NPSR1: variants seen among roughly 807,000 people sequenced by gnomAD.
The protein encoded by NPSR1 is neuropeptide S receptor 1.
In NPSR1, 48 loss-of-function variants were observed where a neutral mutation model predicts 46.9. The observed-to-expected ratio is 1.02, with a 90% confidence interval of 0.81 to 1.30. The LOEUF is 1.30. NPSR1 is among the 50% of genes most tolerant of loss of function. NPSR1 has a pLI of 0.00. For synonymous variants in NPSR1, 176 were observed against 168.1 expected (o/e 1.05, Z -0.36); for missense variants, 450 against 449.5 (o/e 1.00, Z -0.01).
chr7:34,845,532 G>A (rs771020850), intron 7 of NPSR1: 84 of 454,138 alleles, frequency 1.8e-4, no homozygotes, highest in South Asian at 1.2e-3. Flanking sequence ...GTGGTGCCCC[G>A]GCTTACTTCC....
intron 2 of NPSR1, among the ~76,000 whole-genome samples, chr7:34,745,659 T>C (rs1401890317): frequency 6.6e-6 from 1 of 152,098 alleles, no homozygotes; most frequent in Non-Finnish European, 1.5e-5. Flanking sequence ...GCTGGAACTA[T>C]AGGTGTGCAC....
chr7:34,862,724 C>G, intron 8 of NPSR1, among the ~76,000 whole-genome samples: 1 of 151,752 alleles, frequency 6.6e-6, no homozygotes, highest in East Asian at 1.9e-4. Flanking sequence ...ATTTCTCTTT[C>G]CTAAGTATGC....
intron 2 of NPSR1, among the ~76,000 whole-genome samples, chr7:34,743,108 A>C (rs1195311082): frequency 1.3e-5 from 2 of 151,920 alleles, no homozygotes; most frequent in Non-Finnish European, 2.9e-5. Context: ...GTGTCTTTTT[A>C]CTCTGTTGAT....
chr7:34,799,616 C>T (rs2128747163), intron 3 of NPSR1, among the ~76,000 whole-genome samples: 1 of 149,766 alleles, frequency 6.7e-6, no homozygotes, highest in African/African-American at 2.5e-5. Flanking sequence ...AAAACCATGA[C>T]AAAATGTAAA....
intron 3 of NPSR1, among the ~76,000 whole-genome samples, chr7:34,799,599 C>A (rs375615492): frequency 3.3e-5 from 5 of 149,956 alleles, no homozygotes; most frequent in Non-Finnish European, 5.9e-5. Context: ...CCGGTACCAG[C>A]CACTGCAAAA....
intron 2 of NPSR1, among the ~76,000 whole-genome samples, chr7:34,705,694 T>C (rs1031793272): frequency 1.3e-5 from 2 of 152,174 alleles, no homozygotes; most frequent in East Asian, 1.9e-4. Context: ...ATTAATATTA[T>C]GTTTATCTAT....
At chr7:34,821,658 T>C (rs1554335856) in intron 4 of NPSR1, among the ~76,000 whole-genome samples, 1 of 152,180 alleles carries the variant, frequency 6.6e-6, no homozygotes, top group African/African-American at 2.4e-5. Context: ...TTTCACCATA[T>C]TCACTAGGTT....
chr7:34,752,137 T>C, intron 2 of NPSR1: 1 of 473,692 alleles, frequency 2.1e-6, no homozygotes, highest in Non-Finnish European at 3.9e-6. Flanking sequence ...TTTCCAGAGC[T>C]TATATACCTT....
chr7:34,797,903 CT>C (rs1440949356), intron 3 of NPSR1, among the ~76,000 whole-genome samples: 10 of 152,114 alleles, frequency 6.6e-5, no homozygotes, highest in African/African-American at 2.4e-4. Context: ...ACAAATCCCC[CT>C]GACCTAGAAT....
chr7:34,864,286 G>A (rs1316181113), intron 8 of NPSR1, among the ~76,000 whole-genome samples: 1 of 151,376 alleles, frequency 6.6e-6, no homozygotes, highest in Non-Finnish European at 1.5e-5. Context: ...ACGGGTTGAT[G>A]GGTGTAGCAA....
At chr7:34,723,498 C>A (rs1222558958) in intron 2 of NPSR1, 1 of 149,536 alleles carries the variant, frequency 6.7e-6, no homozygotes, top group Non-Finnish European at 1.5e-5. Flanking sequence ...AGGAAGGGGG[C>A]ACAAGATTTC....
At chr7:34,852,966 G>T (rs921048634), downstream of NPSR1, among the ~76,000 whole-genome samples, 1 of 152,124 alleles carries the variant, frequency 6.6e-6, no homozygotes, top group African/African-American at 2.4e-5. Flanking sequence ...TACTTGCAGG[G>T]TGCATGTGGA....
chr7:34,713,832 C>A (rs1783420548), intron 2 of NPSR1, among the ~76,000 whole-genome samples: 1 of 152,228 alleles, frequency 6.6e-6, no homozygotes, highest in Admixed American at 6.5e-5. Context: ...GAAACAGGAT[C>A]TCAAAGCCAC....
intron 2 of NPSR1, among the ~76,000 whole-genome samples, chr7:34,737,417 T>C (rs1348297667): frequency 6.6e-6 from 1 of 152,238 alleles, no homozygotes; most frequent in Non-Finnish European, 1.5e-5. Context: ...TGCATTTCTT[T>C]ACCACCCATT....
chr7:34,688,508 A>G (rs1030827867), intron 2 of NPSR1, among the ~76,000 whole-genome samples: 17 of 152,162 alleles, frequency 1.1e-4, no homozygotes, highest in African/African-American at 4.1e-4. Context: ...GCTTGAGCAC[A>G]CAAAGAACTC....
chr7:34,795,094 A>T (rs969651821), intron 3 of NPSR1, among the ~76,000 whole-genome samples: 1 of 152,162 alleles, frequency 6.6e-6, no homozygotes, highest in South Asian at 2.1e-4. Context: ...ATCCCAAAAA[A>T]GTAAGACTGG....
chr7:34,667,923 AT>A (rs1355408689), intron 1 of NPSR1, among the ~76,000 whole-genome samples: 2 of 152,184 alleles, frequency 1.3e-5, no homozygotes, highest in Non-Finnish European at 2.9e-5. Context: ...AAAAAAAACC[AT>A]TCTAAGTAAA....
chr7:34,707,792 G>C (rs1794182793), intron 2 of NPSR1, among the ~76,000 whole-genome samples: 1 of 152,188 alleles, frequency 6.6e-6, no homozygotes, highest in Non-Finnish European at 1.5e-5. Flanking sequence ...ATAGGATGCT[G>C]TATTAGTTTG....
chr7:34,717,484 T>G (rs915634016), intron 2 of NPSR1, among the ~76,000 whole-genome samples: 2 of 152,128 alleles, frequency 1.3e-5, no homozygotes, highest in African/African-American at 2.4e-5. Context: ...TTTATCAGGC[T>G]CCTTTTCTAA....
Sources: gnomAD v4.1 joint callset for allele counts (sites outside exome capture counted in the v4.1 genomes callset) on GRCh38, gnomAD v4.1.1 for gene constraint, MANE v1.5 for transcripts, NCBI Gene and HGNC (gene_info 2026-07-23, HGNC 2026-07-21) for gene names.